The following COL18A1 variants were observed in gnomAD, a reference collection of about 807,000 sequenced individuals.
COL18A1 encodes the protein collagen type XVIII alpha 1 chain.
COL18A1 carries 133 observed loss-of-function variants against 168.0 expected under a neutral mutation model. The ratio of observed to expected loss-of-function variants is 0.79; its 90% CI spans 0.69 to 0.91. The LOEUF is 0.91. Among genes scored for constraint, COL18A1 ranks in the 40% least tolerant of loss-of-function variants. COL18A1 has a pLI of 0.00. For missense variants in COL18A1, 2,126 were observed against 1,925.4 expected, an observed-to-expected ratio of 1.10 and a Z score of -1.95; for synonymous variants, 949 against 809.0, an observed-to-expected ratio of 1.17 and a Z score of -2.94.
intron 5 of COL18A1, 64 bp from the exon 6 acceptor site, chr21:45,476,287 C>A: frequency 6.2e-7 from 1 of 1,609,340 alleles, no homozygotes; most frequent in Non-Finnish European, 8.5e-7. Context: ...TTTCACAAAC[C>A]AAGCAAGTCT....
At chr21:45,490,659 C>CT (rs1255639027) in intron 20 of COL18A1, among the ~76,000 whole-genome samples, 177 bp from the exon 21 acceptor site, 1 of 128,312 alleles carries the variant, frequency 7.8e-6, no homozygotes, top group South Asian at 2.5e-4. Context: ...TGCCCACTCC[C>CT]GGAGCGCCAG....
chr21:45,428,194 T>G (rs1226765485), intron 2 of COL18A1, among the ~76,000 whole-genome samples: 1 of 152,148 alleles, frequency 6.6e-6, no homozygotes, highest in Non-Finnish European at 1.5e-5. Flanking sequence ...CTGGGGGCTC[T>G]CAGAGTTTGA....
rs146060997 is a variant in COL18A1 at position 45,426,479 on chromosome 21, A to G, written c.106+21006A>G. ...CGCTTGCTCTCCCGGGCGGGCGTCCACACCCTCCTCGCCGAGATGGAGAAG... is the reference window on the plus strand; with the variant it reads ...CGCTTGCTCTCCCGGGCGGGCGTCCGCACCCTCCTCGCCGAGATGGAGAAG... On this transcript the variant is annotated intron_variant, in intron 2 of 41. Coordinates refer to ENST00000651438, the MANE Select transcript of COL18A1 (RefSeq NM_001379500.1). Among the ~76,000 whole-genome samples the G allele has an allele frequency of 4.6e-3, 699 of 152,202 alleles. 2 individuals carry two copies. Among genetic ancestry groups the G allele is most frequent in the African/African-American group, 0.016 (663 of 41,538 alleles).
intron 2 of COL18A1, among the ~76,000 whole-genome samples, chr21:45,415,086 C>T (rs1216030990): frequency 6.6e-6 from 1 of 152,164 alleles, no homozygotes; most frequent in Admixed American, 6.5e-5. Flanking sequence ...GCCTGTGTTG[C>T]TTTAAGACAC....
chr21:45,495,029 T>G (rs1326808093), intron 28 of COL18A1, 114 bp downstream of exon 28: 1 of 936,846 alleles, frequency 1.1e-6, no homozygotes, highest in Admixed American at 2.1e-5. Flanking sequence ...CCGCACCCAC[T>G]GTCCTCCCCC....
At chr21:45,450,313 C>T (rs1372862401) in intron 2 of COL18A1, among the ~76,000 whole-genome samples, 1 of 152,162 alleles carries the variant, frequency 6.6e-6, no homozygotes, top group Non-Finnish European at 1.5e-5. Context: ...CCTGCTCCCT[C>T]ATCCCTGTCA....
intron 2 of COL18A1, among the ~76,000 whole-genome samples, chr21:45,413,554 G>A (rs1016361985): frequency 2.0e-5 from 3 of 152,224 alleles, no homozygotes; most frequent in African/African-American, 7.2e-5. Flanking sequence ...GGAGGGAGGC[G>A]TCTGTGCTTT....
rs377002382 is a variant in COL18A1 at position 45,468,322 on chromosome 21, G to A, written c.187G>A (p.Asp63Asn). ...PQQVTQTDDP[D>N]VGLAYVFGPD... is the part of the protein sequence containing the mutation. The stretch of plus-strand genomic sequence containing the variant: ...GCAGGTCACCCAGACGGATGACCCC[G>A]ACGTCGGGCTGGCCTACGTCTTTGG... The change falls in exon 3 of 42, where the codon GAC becomes AAC. Residue 63 changes from aspartate to asparagine, a missense_variant. Physicochemically the swap from Asp to Asn is conservative, Grantham distance 23. Transcript: ENST00000651438. 118 of 1,613,426 alleles carry A rather than the reference G, an allele frequency of 7.3e-5. No homozygotes were observed. Among genetic ancestry groups the A allele is most frequent in the Admixed American group, 2.0e-4 (12 of 60,034 alleles).
intron 2 of COL18A1, among the ~76,000 whole-genome samples, chr21:45,414,785 C>T (rs1302613959): frequency 2.0e-5 from 3 of 152,202 alleles, no homozygotes; most frequent in African/African-American, 2.4e-5. Flanking sequence ...CATAGAAGGC[C>T]GAATACTGAC....
chr21:45,499,328 G>A (rs116013078), intron 32 of COL18A1, among the ~76,000 whole-genome samples: 1,617 of 152,296 alleles, frequency 0.011, 30 homozygotes, highest in African/African-American at 0.037. Flanking sequence ...GAGAGACAAC[G>A]CTGGCAGGAA....
At chr21:45,478,229 G>C (rs762966603) in intron 8 of COL18A1, 98 bp from the exon 9 acceptor site, 32 of 1,533,218 alleles carry the variant, frequency 2.1e-5, no homozygotes, top group Non-Finnish European at 2.9e-5. Context: ...CTGCCGCCTC[G>C]TGGGGACTTG....
intron 26 of COL18A1, chr21:45,493,830 G>A: frequency 3.7e-6 from 2 of 540,842 alleles, no homozygotes; most frequent in Non-Finnish European, 6.7e-6. Flanking sequence ...GAGGTTCTCA[G>A]TGGGCTGCAG....
At position 45,437,784 on chromosome 21, in the gene COL18A1, ACT is replaced by A. The variant is rs754399612; in HGVS notation, c.107-30456_107-30455del. ...CACTCTCCTGCACACACACACACTC[ACT>A]CACACACAGACACACAGGCACTCTC... On this transcript the variant is annotated intron_variant, in intron 2 of 41. Coordinates refer to ENST00000651438, the MANE Select transcript of COL18A1 (RefSeq NM_001379500.1). Among the ~76,000 whole-genome samples the A allele has an allele frequency of 6.3e-4, 44 of 70,372 alleles. 6 individuals are homozygous for A. Among genetic ancestry groups the A allele is most frequent in the Middle Eastern group, 8.6e-3 (1 of 116 alleles). The allele number at this position is 70,372 out of a possible 152,430, so 46.2% of individuals were successfully genotyped here.
intron 2 of COL18A1, among the ~76,000 whole-genome samples, chr21:45,432,536 C>G (rs1332363909): frequency 6.6e-6 from 1 of 152,244 alleles, no homozygotes; most frequent in Non-Finnish European, 1.5e-5. Flanking sequence ...TGCCATTTTT[C>G]ATCACCCACT....
chr21:45,413,070 G>A (rs2033345240), intron 2 of COL18A1, among the ~76,000 whole-genome samples: 1 of 152,188 alleles, frequency 6.6e-6, no homozygotes, highest in Admixed American at 6.5e-5. Flanking sequence ...GCTTCCTGGG[G>A]TGTGTCCTGC....
intron 2 of COL18A1, among the ~76,000 whole-genome samples, chr21:45,458,628 G>T (rs745403765): frequency 6.6e-6 from 1 of 152,222 alleles, no homozygotes; most frequent in Non-Finnish European, 1.5e-5. Context: ...GGGCAGCCTT[G>T]CAGGAGCCGT....
At chr21:45,434,328 A>G (rs979046018) in intron 2 of COL18A1, among the ~76,000 whole-genome samples, 1 of 152,194 alleles carries the variant, frequency 6.6e-6, no homozygotes, top group African/African-American at 2.4e-5. Context: ...GGACGGGCGC[A>G]GGAGCTCCTG....
At chr21:45,452,736 AT>A (rs1436169031) in intron 2 of COL18A1, among the ~76,000 whole-genome samples, 1 of 150,480 alleles carries the variant, frequency 6.6e-6, no homozygotes, top group Non-Finnish European at 1.5e-5. Flanking sequence ...ACGTGTGAGC[AT>A]ATATGTACGT....
rs778190128 is a variant in COL18A1, at chr21:45,468,758, CG to C, written c.629del (p.Gly210GlufsTer10). ...EPGAGLFVAQ[A>X]GGADPDKFQG... ...GGCGCCGGGCTCTTCGTGGCTCAGG[CG>C]GGGGGAGCGGACCCTGACAAGTTCC... On this transcript the variant is annotated frameshift_variant, in exon 3 of 42. Transcript: ENST00000651438. LOFTEE classifies it high-confidence loss of function. 7.1e-7 allele frequency: 1 copy of C among 1,406,832 alleles called. No individual in the cohort carries two copies. The highest frequency in any genetic ancestry group is 1.4e-5 in the African/African-American group (1 of 69,348). 87.1% of individuals were successfully genotyped at this position (1,406,832 alleles called of 1,614,324 possible).
Sources: gnomAD v4.1 joint callset for allele counts (sites outside exome capture counted in the v4.1 genomes callset) on GRCh38, gnomAD v4.1.1 for gene constraint, MANE v1.5 for transcripts, NCBI Gene and HGNC (gene_info 2026-07-23, HGNC 2026-07-21) for gene names.